The following IGFL2 variants were observed in gnomAD, a reference collection of about 807,000 sequenced individuals.
IGFL2 encodes insulin growth factor-like family member 2.
In IGFL2, 7 loss-of-function variants were observed where a neutral mutation model predicts 13.9. The observed-to-expected ratio is 0.51, with a 90% CI of 0.29 to 0.95. The LOEUF (loss-of-function observed/expected upper bound fraction) is 0.95. Among genes scored for constraint, IGFL2 ranks in the 40% least tolerant of loss-of-function variants. The probability of loss-of-function intolerance (pLI) is 0.08; values close to 1 mark genes in which losing one functional copy is unlikely to be tolerated. For missense variants in IGFL2, 138 were observed against 147.8 expected, an observed-to-expected ratio of 0.93 and a Z score of 0.34; for synonymous variants, 55 against 55.8, an observed-to-expected ratio of 0.99 and a Z score of 0.07.
intron 1 of IGFL2, among the ~76,000 whole-genome samples, chr19:46,151,263 C>T (rs1323326636): frequency 6.6e-6 from 1 of 152,122 alleles, no homozygotes; most frequent in Non-Finnish European, 1.5e-5. Flanking sequence ...TTGAGTTAAT[C>T]CTTGTGTATG....
the IGFL2 span, among the ~76,000 whole-genome samples, chr19:46,177,475 T>C: frequency 6.6e-6 from 1 of 151,958 alleles, no homozygotes; most frequent in African/African-American, 2.4e-5. Flanking sequence ...TATATATACA[T>C]ATATATATAC....
chr19:46,197,515 A>C, the IGFL2 span, among the ~76,000 whole-genome samples: 1 of 151,782 alleles, frequency 6.6e-6, no homozygotes, highest in Admixed American at 6.6e-5. Context: ...TCCTTTCTGC[A>C]CTGTTCAGTC....
chr19:46,175,551 T>G, the IGFL2 span, among the ~76,000 whole-genome samples: 1 of 152,176 alleles, frequency 6.6e-6, no homozygotes, highest in East Asian at 1.9e-4. Context: ...TGTGCAATTT[T>G]TTTTTTTAGA....
the IGFL2 span, chr19:46,212,713 T>TTCTCTCTCTCTCTC: frequency 1.1e-4 from 17 of 148,724 alleles, no homozygotes; most frequent in African/African-American, 3.7e-4. Flanking sequence ...TTCTCCTACC[T>TTCTCTCTCTCTCTC]TCTCTCTCTC....
chr19:46,193,410 T>G, the IGFL2 span, among the ~76,000 whole-genome samples: 1 of 152,288 alleles, frequency 6.6e-6, no homozygotes, highest in Admixed American at 6.5e-5. Flanking sequence ...TTGCAGTGTT[T>G]GTGAAAGTTT....
the IGFL2 span, among the ~76,000 whole-genome samples, chr19:46,123,259 G>GT: frequency 6.6e-6 from 1 of 150,900 alleles, no homozygotes; most frequent in Admixed American, 6.6e-5. Flanking sequence ...TCTCACTGCA[G>GT]TTTTTCTCCA....
At chr19:46,179,781 T>A in the IGFL2 span, among the ~76,000 whole-genome samples, 1 of 152,008 alleles carries the variant, frequency 6.6e-6, no homozygotes, top group Non-Finnish European at 1.5e-5. Context: ...CCGGGAGTGT[T>A]GGTGCATGCC....
the IGFL2 span, among the ~76,000 whole-genome samples, chr19:46,201,473 G>A: frequency 6.6e-6 from 1 of 152,152 alleles, no homozygotes; most frequent in African/African-American, 2.4e-5. Context: ...AGAAGACATC[G>A]CTGGCCTTCC....
the IGFL2 span, among the ~76,000 whole-genome samples, chr19:46,095,851 A>T: frequency 6.6e-6 from 1 of 151,956 alleles, no homozygotes; most frequent in Admixed American, 6.6e-5. Context: ...AGATGTGTGG[A>T]CTTATTTTTG....
At chr19:46,104,563 C>G in the IGFL2 span, among the ~76,000 whole-genome samples, 3 of 152,170 alleles carry the variant, frequency 2.0e-5, no homozygotes, top group African/African-American at 7.2e-5. Flanking sequence ...GGAAAGGCCT[C>G]TATCCATCCA....
At chr19:46,211,497 G>A in the IGFL2 span, 1 of 152,204 alleles carries the variant, frequency 6.6e-6, no homozygotes, top group South Asian at 2.1e-4. Context: ...CTGCCAGGAG[G>A]GAGATTCCTT....
the IGFL2 span, chr19:46,137,032 G>A: frequency 6.3e-7 from 1 of 1,585,560 alleles, no homozygotes; most frequent in South Asian, 1.1e-5. Context: ...CAGTCACAGT[G>A]GCATGGCAGA....
At chr19:46,088,205 G>A in the IGFL2 span, among the ~76,000 whole-genome samples, 8 of 152,188 alleles carry the variant, frequency 5.3e-5, no homozygotes, top group Non-Finnish European at 1.2e-4. Context: ...TCTATTTGAA[G>A]TGTCATTATC....
the IGFL2 span, among the ~76,000 whole-genome samples, chr19:46,116,397 A>G: frequency 6.6e-6 from 1 of 152,152 alleles, no homozygotes. Flanking sequence ...TGACTGGGAA[A>G]TCCTAGATTT....
At chr19:46,155,535 TA>T (rs1312189814) in intron 1 of IGFL2, among the ~76,000 whole-genome samples, 1 of 152,094 alleles carries the variant, frequency 6.6e-6, no homozygotes, top group South Asian at 2.1e-4. Context: ...GTTGTTTTTA[TA>T]AAAAAAATAA....
the IGFL2 span, among the ~76,000 whole-genome samples, chr19:46,078,715 C>T: frequency 6.6e-6 from 1 of 152,162 alleles, no homozygotes; most frequent in Non-Finnish European, 1.5e-5. Context: ...CGCACTCTCT[C>T]TGGGGGTATT....
At chr19:46,134,904 G>A in the IGFL2 span, among the ~76,000 whole-genome samples, 1 of 152,276 alleles carries the variant, frequency 6.6e-6, no homozygotes, top group East Asian at 1.9e-4. Context: ...ACTCTTCTCT[G>A]TCTCAAGGAG....
the IGFL2 span, among the ~76,000 whole-genome samples, chr19:46,170,167 G>T: frequency 2.3e-4 from 35 of 152,206 alleles, no homozygotes; most frequent in East Asian, 4.8e-3. Flanking sequence ...TGCACCGAGA[G>T]AGAGTAAGAA....
chr19:46,155,782 A>T (rs1160121879), intron 1 of IGFL2, among the ~76,000 whole-genome samples: 1 of 152,202 alleles, frequency 6.6e-6, no homozygotes, highest in Non-Finnish European at 1.5e-5. Flanking sequence ...AATTGTGATA[A>T]ATCACTGATT....
Sources: gnomAD v4.1 joint callset for allele counts (sites outside exome capture counted in the v4.1 genomes callset) on GRCh38, gnomAD v4.1.1 for gene constraint, MANE v1.5 for transcripts, NCBI Gene and HGNC (gene_info 2026-07-23, HGNC 2026-07-21) for gene names.